The following ERC1 variants were observed in gnomAD, a reference collection of about 807,000 sequenced individuals.
ERC1 encodes ELKS/RAB6-interacting/CAST family member 1, also known as RAB6 interacting protein 2.
Under a neutral mutation model 132.0 loss-of-function variants are expected in ERC1, and 56 were observed. The ratio of observed to expected loss-of-function variants is 0.42; its 90% confidence interval spans 0.34 to 0.53. The LOEUF (loss-of-function observed/expected upper bound fraction) is 0.53. Among genes scored for constraint, ERC1 ranks in the 20% least tolerant of loss-of-function variants. The pLI is 0.03. For synonymous variants in ERC1, 478 were observed against 476.1 expected (o/e 1.00, Z -0.05); for missense variants, 1,202 against 1,349.9 (o/e 0.89, Z 1.72).
intron 14 of ERC1, among the ~76,000 whole-genome samples, chr12:1,273,336 G>A (rs1349469040): frequency 6.6e-6 from 1 of 152,070 alleles, no homozygotes; most frequent in Non-Finnish European, 1.5e-5. Flanking sequence ...CATCTTCTTA[G>A]TAGCAATGCT....
chr12:1,344,190 A>G (rs549768684), intron 15 of ERC1, among the ~76,000 whole-genome samples: 3 of 152,306 alleles, frequency 2.0e-5, no homozygotes, highest in South Asian at 4.1e-4. Context: ...TGATTATACA[A>G]CAATACTTTT....
At chr12:1,126,571 T>A (rs10773928) in intron 7 of ERC1, among the ~76,000 whole-genome samples, 93,402 of 152,064 alleles carry the variant, frequency 0.61, 30,993 homozygotes, top group East Asian at 0.87. Context: ...AACTTAAATG[T>A]CTCCATCAAA....
At chr12:1,479,704 G>A (rs768820939) in intron 18 of ERC1, among the ~76,000 whole-genome samples, 1 of 152,146 alleles carries the variant, frequency 6.6e-6, no homozygotes, top group African/African-American at 2.4e-5. Context: ...CCAAGGGAGG[G>A]GTTGGAAACA....
rs1946422798 is a variant in ERC1 at position 1,116,234 on chromosome 12, G to A, written c.1569+201G>A. 1.4e-5 allele frequency: 6 copies of A among 438,762 alleles called. No individual in the cohort carries two copies. The South Asian group carries it at 3.7e-4, about 27-fold the overall frequency. The allele number at this position is 438,762 out of a possible 1,614,324, so 27.2% of individuals were successfully genotyped here. On this transcript the variant is annotated intron_variant, in intron 7 of 18. Coordinates refer to ENST00000360905, the MANE Select transcript of ERC1 (RefSeq NM_178040.4). ...TTAGATCTAACAAGTTAAAACAGGT[G>A]CAGTTTATGTTTTTAATTCTTTAAA...
chr12:1,117,750 ATTC>A (rs933616059), intron 7 of ERC1, among the ~76,000 whole-genome samples: 17 of 152,226 alleles, frequency 1.1e-4, no homozygotes, highest in African/African-American at 2.2e-4. Flanking sequence ...TCATTTTATA[ATTC>A]TTCTAATAAA....
intron 3 of ERC1, among the ~76,000 whole-genome samples, chr12:1,094,822 T>C (rs1024921361): frequency 3.3e-5 from 5 of 152,218 alleles, no homozygotes; most frequent in Non-Finnish European, 7.3e-5. Context: ...GGTACAATGG[T>C]GTGTGACACT....
chr12:1,310,590 A>G (rs1164994959), intron 15 of ERC1, among the ~76,000 whole-genome samples: 2 of 152,208 alleles, frequency 1.3e-5, no homozygotes, highest in Admixed American at 6.5e-5. Context: ...ACATTTGGGA[A>G]ATTAGGGAGA....
chr12:1,225,449 T>TACAC (rs67132193), intron 12 of ERC1, among the ~76,000 whole-genome samples: 8,571 of 131,568 alleles, frequency 0.065, 286 homozygotes, highest in Admixed American at 0.12. Flanking sequence ...GGCTGTCTCT[T>TACAC]ACACACACAC....
At chr12:1,198,247 G>A (rs1350549847) in intron 12 of ERC1, among the ~76,000 whole-genome samples, 1 of 152,120 alleles carries the variant, frequency 6.6e-6, no homozygotes, top group Admixed American at 6.6e-5. Flanking sequence ...GGACTCTTAA[G>A]TCTTTGGTCT....
At chr12:1,411,784 A>G (rs983865010) in intron 17 of ERC1, among the ~76,000 whole-genome samples, 2 of 152,122 alleles carry the variant, frequency 1.3e-5, no homozygotes, top group Middle Eastern at 3.2e-3. Flanking sequence ...AGCTGGAAGC[A>G]CCACATATGT....
chr12:1,443,099 C>A (rs901820767), intron 17 of ERC1, among the ~76,000 whole-genome samples: 1 of 151,952 alleles, frequency 6.6e-6, no homozygotes, highest in Admixed American at 6.6e-5. Context: ...CGGGGTTTCA[C>A]CATGTTAGCC....
chr12:1,334,732 T>C (rs1298731268), intron 15 of ERC1, among the ~76,000 whole-genome samples: 2 of 152,160 alleles, frequency 1.3e-5, no homozygotes, highest in Non-Finnish European at 2.9e-5. Flanking sequence ...TTGGTTTTCA[T>C]ATGAATTTTA....
rs1171587492 is a variant in ERC1, at chr12:1,060,298, G to A, written c.670-22866G>A. On this transcript the variant is annotated intron_variant, in intron 2 of 18. Coordinates refer to ENST00000360905, the MANE Select transcript of ERC1 (RefSeq NM_178040.4). Reference sequence around the variant, plus strand: ...CCATTAACTCGTCATTTAGCATTAGGTATATCTCCTAATGCTAACCCTCCC... The same window carrying A: ...CCATTAACTCGTCATTTAGCATTAGATATATCTCCTAATGCTAACCCTCCC... Among the ~76,000 whole-genome samples, 4 of 151,662 alleles carry A rather than the reference G, an allele frequency of 2.6e-5. No homozygotes were observed. The East Asian group carries it at 7.7e-4, about 29-fold the overall frequency.
chr12:1,059,967 G>T (rs1340721239), intron 2 of ERC1, among the ~76,000 whole-genome samples: 1 of 152,090 alleles, frequency 6.6e-6, no homozygotes, highest in Non-Finnish European at 1.5e-5. Flanking sequence ...CTGATCCAGG[G>T]TTTCCTTTGT....
At chr12:1,418,615 CTTTCTTTCTTTCTTTCTTTCTT>C (rs1321279278) in intron 17 of ERC1, among the ~76,000 whole-genome samples, 16 of 116,658 alleles carry the variant, frequency 1.4e-4, no homozygotes, top group African/African-American at 7.0e-4. Context: ...TTCTTTCTTT[CTTTCTTTCTTTCTTTCTTTCTT>C]TCTTTCTCTC....
At chr12:1,008,197 G>A (rs769897220) in intron 1 of ERC1, among the ~76,000 whole-genome samples, 3 of 152,166 alleles carry the variant, frequency 2.0e-5, no homozygotes, top group African/African-American at 4.8e-5. Context: ...TCTTTTGGAC[G>A]GCACTGAGCT....
At chr12:1,117,645 G>A (rs1462100240) in intron 7 of ERC1, among the ~76,000 whole-genome samples, 9 of 152,186 alleles carry the variant, frequency 5.9e-5, no homozygotes, top group Admixed American at 3.3e-4. Flanking sequence ...GAGAATAGTA[G>A]TGCTTAACTC....
At chr12:1,092,946 ACT>A (rs561225189) in intron 3 of ERC1, among the ~76,000 whole-genome samples, 41 of 152,154 alleles carry the variant, frequency 2.7e-4, no homozygotes, top group African/African-American at 8.9e-4. Context: ...GCAGAGTGAC[ACT>A]CTGCCTCAAA....
At chr12:1,102,505 G>T (rs558422519) in intron 3 of ERC1, among the ~76,000 whole-genome samples, 2 of 152,062 alleles carry the variant, frequency 1.3e-5, no homozygotes, top group Admixed American at 6.5e-5. Flanking sequence ...AATAGGAGGT[G>T]TACAAAATTC....
Sources: allele counts gnomAD v4.1 joint callset (sites outside exome capture counted in the v4.1 genomes callset), GRCh38; gene constraint gnomAD v4.1.1; transcripts MANE v1.5; gene names NCBI Gene and HGNC (gene_info 2026-07-23, HGNC 2026-07-21).